Variants in TOX observed in about 807,000 individuals in gnomAD.
The protein encoded by TOX is thymocyte selection-associated high mobility group box protein TOX.
Under a neutral mutation model 53.7 loss-of-function variants are expected in TOX, and 11 were observed. The observed-to-expected ratio is 0.20, with a 90% CI of 0.13 to 0.34. The LOEUF (loss-of-function observed/expected upper bound fraction) is 0.34. Among genes scored for constraint, TOX ranks in the 10% least tolerant of loss-of-function variants. TOX has a pLI of 1.00. For missense variants in TOX, 570 were observed against 664.6 expected (o/e 0.86, Z 1.56); for synonymous variants, 225 against 245.3 (o/e 0.92, Z 0.77).
chr8:59,114,939 T>G (rs1408244339), intron 1 of TOX, among the ~76,000 whole-genome samples: 1 of 152,224 alleles, frequency 6.6e-6, no homozygotes, highest in Non-Finnish European at 1.5e-5. Context: ...ATGTTTGTCC[T>G]GACATTTTCA....
chr8:58,832,061 C>T (rs984559524), intron 5 of TOX, among the ~76,000 whole-genome samples: 8 of 150,238 alleles, frequency 5.3e-5, no homozygotes, highest in Non-Finnish European at 1.0e-4. Context: ...AATGCTTATG[C>T]CCATAAAGGC....
At chr8:59,106,748 G>T (rs1028517899) in intron 1 of TOX, among the ~76,000 whole-genome samples, 1 of 152,064 alleles carries the variant, frequency 6.6e-6, no homozygotes, top group African/African-American at 2.4e-5. Flanking sequence ...AACATTCAGC[G>T]AAGCGTACCA....
intron 1 of TOX, among the ~76,000 whole-genome samples, chr8:59,060,629 AAAACAAACAAAC>A (rs200698883): frequency 6.6e-6 from 1 of 152,204 alleles, no homozygotes; most frequent in Non-Finnish European, 1.5e-5. Context: ...TTCATCTCAA[AAAACAAACAAAC>A]AAACAAACAA....
chr8:58,908,811 G>A (rs1315394485), intron 3 of TOX, among the ~76,000 whole-genome samples: 1 of 152,160 alleles, frequency 6.6e-6, no homozygotes, highest in African/African-American at 2.4e-5. Flanking sequence ...AGAGTTCTCT[G>A]GTCTCAATCT....
At chr8:59,030,309 T>C (rs1814331356) in intron 1 of TOX, among the ~76,000 whole-genome samples, 1 of 152,322 alleles carries the variant, frequency 6.6e-6, no homozygotes, top group Admixed American at 6.5e-5. Flanking sequence ...CCTGTTTAAT[T>C]AAATGTTGAC....
chr8:58,951,619 A>G (rs978647480), intron 2 of TOX, among the ~76,000 whole-genome samples: 1 of 152,132 alleles, frequency 6.6e-6, no homozygotes, highest in Non-Finnish European at 1.5e-5. Context: ...GTGATTTTGG[A>G]GAACAACAAC....
chr8:58,968,292 G>C (rs1812939741), intron 1 of TOX, among the ~76,000 whole-genome samples: 1 of 152,190 alleles, frequency 6.6e-6, no homozygotes, highest in African/African-American at 2.4e-5. Context: ...CAGGGTGTCT[G>C]ATATCAGAAA....
intron 1 of TOX, among the ~76,000 whole-genome samples, chr8:59,037,677 C>T (rs1803494163): frequency 1.3e-5 from 2 of 151,878 alleles, no homozygotes; most frequent in African/African-American, 4.8e-5. Context: ...TGGCAGGCAC[C>T]TGTAATCCTA....
chr8:58,940,790 G>A (rs1376075754), intron 2 of TOX, among the ~76,000 whole-genome samples: 1 of 152,154 alleles, frequency 6.6e-6, no homozygotes, highest in Non-Finnish European at 1.5e-5. Flanking sequence ...CCAAGCGCCT[G>A]GGGTTATTTT....
chr8:58,938,387 A>G lies in TOX; in HGVS notation c.411+915T>C, dbSNP rs569826875. Among the ~76,000 whole-genome samples, 3 of 152,350 alleles carry G rather than the reference A, an allele frequency of 2.0e-5. No individual in the cohort carries two copies. The South Asian group carries it at 6.2e-4, about 32-fold the overall frequency. ...GACTTATGAAAATGACAAGAGAGTT[A>G]GTTGGACTGTTAAGTGAGTGAACAA... On this transcript the variant is annotated intron_variant, in intron 3 of 8. Coordinates refer to ENST00000361421, the MANE Select transcript of TOX (RefSeq NM_014729.3).
At chr8:58,978,097 T>C (rs1392254511) in intron 1 of TOX, among the ~76,000 whole-genome samples, 3 of 152,150 alleles carry the variant, frequency 2.0e-5, no homozygotes, top group Admixed American at 1.3e-4. Flanking sequence ...TGCATCCCAA[T>C]TGCAATTTAA....
At chr8:58,896,551 T>C (rs2129172355) in intron 3 of TOX, among the ~76,000 whole-genome samples, 1 of 152,266 alleles carries the variant, frequency 6.6e-6, no homozygotes, top group South Asian at 2.1e-4. Flanking sequence ...GGCATGTGCC[T>C]ATAATCCCAG....
chr8:59,099,067 TA>T (rs749245065), intron 1 of TOX, among the ~76,000 whole-genome samples: 3 of 152,174 alleles, frequency 2.0e-5, no homozygotes, highest in Non-Finnish European at 4.4e-5. Flanking sequence ...CATGGTGCCT[TA>T]AAAGACAACA....
chr8:58,826,777 C>G, intron 6 of TOX, 45 bp downstream of exon 6: 1 of 1,535,398 alleles, frequency 6.5e-7, no homozygotes, highest in Non-Finnish European at 8.8e-7. Flanking sequence ...AAGTCTGCGC[C>G]GAGATGGCCA....
At chr8:59,085,043 A>G (rs1447999467) in intron 1 of TOX, among the ~76,000 whole-genome samples, 1 of 152,236 alleles carries the variant, frequency 6.6e-6, no homozygotes, top group Non-Finnish European at 1.5e-5. Context: ...ACAAAGAAAT[A>G]TAAAAAGTAG....
intron 4 of TOX, among the ~76,000 whole-genome samples, chr8:58,840,055 G>T (rs536113030): frequency 6.6e-6 from 1 of 152,112 alleles, no homozygotes; most frequent in South Asian, 2.1e-4. Context: ...ATTATGACAA[G>T]GTATAAACTT....
rs74477040 is a variant in TOX at position 58,888,428 on chromosome 8, C to T, written c.412-36623G>A. On this transcript the variant is annotated intron_variant, in intron 3 of 8. Coordinates refer to ENST00000361421, the MANE Select transcript of TOX (RefSeq NM_014729.3). ...AAGAAGACTTGAAGAAATGGAAATA[C>T]GTGACATGCACTTGAAGAAAAGAAC... is the stretch of plus-strand genomic sequence containing the variant. Among the ~76,000 whole-genome samples the T allele has an allele frequency of 7.0e-3, 1,065 of 152,058 alleles. 44 individuals are homozygous for T. In the South Asian group the frequency reaches 0.086, roughly 12 times the overall value.
At chr8:58,896,648 CT>C (rs1271633364) in intron 3 of TOX, among the ~76,000 whole-genome samples, 1 of 151,756 alleles carries the variant, frequency 6.6e-6, no homozygotes, top group East Asian at 1.9e-4. Flanking sequence ...GCACTCCAGT[CT>C]GGTGACAGAG....
chr8:59,048,434 G>A (rs1803727883), intron 1 of TOX, among the ~76,000 whole-genome samples: 1 of 152,114 alleles, frequency 6.6e-6, no homozygotes, highest in African/African-American at 2.4e-5. Context: ...TTTTTTATCT[G>A]TGAAGACATT....
Sources: gnomAD v4.1 joint callset for allele counts (sites outside exome capture counted in the v4.1 genomes callset) on GRCh38, gnomAD v4.1.1 for gene constraint, MANE v1.5 for transcripts, NCBI Gene and HGNC (gene_info 2026-07-23, HGNC 2026-07-21) for gene names.